The following FGF12 variants were observed in gnomAD, a reference collection of about 807,000 sequenced individuals.
FGF12 encodes fibroblast growth factor 12B.
Under a neutral mutation model 23.6 loss-of-function variants are expected in FGF12, and 14 were observed. The ratio of observed to expected loss-of-function variants is 0.59; its 90% CI spans 0.39 to 0.93. The LOEUF is 0.93. Among genes scored for constraint, FGF12 ranks in the 40% least tolerant of loss-of-function variants. The pLI, the probability that FGF12 is intolerant of heterozygous loss-of-function variation, is 0.00. For synonymous variants in FGF12, 62 were observed against 77.3 expected, an observed-to-expected ratio of 0.80 and a Z score of 1.04; for missense variants, 175 against 217.8, an observed-to-expected ratio of 0.80 and a Z score of 1.24.
intron 2 of FGF12, among the ~76,000 whole-genome samples, chr3:192,381,812 A>G (rs992005510): frequency 8.5e-5 from 13 of 152,202 alleles, no homozygotes; most frequent in Admixed American, 8.5e-4. Context: ...TAAACAACTG[A>G]AAGTGTGGAG....
chr3:192,432,435 A>T (rs114037774), intron 2 of FGF12, among the ~76,000 whole-genome samples: 442 of 152,160 alleles, frequency 2.9e-3, no homozygotes, highest in African/African-American at 0.01. Flanking sequence ...CTTCGACATA[A>T]GTAGGAGACC....
Position 192,265,312 on chromosome 3 carries a change from GT to G in FGF12, c.228+70048del, listed in dbSNP as rs1420741559. 13 of 152,208 alleles carry G rather than the reference GT, an allele frequency of 8.5e-5. No individual in the cohort carries two copies. In the East Asian group the frequency reaches 2.5e-3, roughly 29 times the overall value. 9.4% of individuals were successfully genotyped at this position (152,208 alleles called of 1,614,324 possible). On this transcript the variant is annotated intron_variant, in intron 4 of 5. Transcript: ENST00000445105. ...ATTCCTCCGTGTTGGGAGTTCACTG[GT>G]CACTCAAACTGCAGAGACCACAATT...
chr3:192,521,739 G>A (rs1475498265), intron 2 of FGF12, among the ~76,000 whole-genome samples: 2 of 151,984 alleles, frequency 1.3e-5, no homozygotes, highest in Non-Finnish European at 2.9e-5. Context: ...CAGCTTCCTC[G>A]TAGTTCCCAC....
At chr3:192,589,696 A>C (rs1177174255) in intron 2 of FGF12, among the ~76,000 whole-genome samples, 1 of 151,836 alleles carries the variant, frequency 6.6e-6, no homozygotes, top group Non-Finnish European at 1.5e-5. Context: ...CAAGAAGTAG[A>C]TGAAATCCCC....
At chr3:192,575,391 T>C (rs1712829078) in intron 2 of FGF12, among the ~76,000 whole-genome samples, 1 of 152,252 alleles carries the variant, frequency 6.6e-6, no homozygotes, top group Non-Finnish European at 1.5e-5. Flanking sequence ...GATCAAAGCA[T>C]TGGCATTGGC....
intron 4 of FGF12, among the ~76,000 whole-genome samples, chr3:192,255,196 A>G (rs567742648): frequency 6.6e-6 from 1 of 152,230 alleles, no homozygotes; most frequent in South Asian, 2.1e-4. Flanking sequence ...TACTGCTCAC[A>G]GCATTGTATC....
intron 2 of FGF12, among the ~76,000 whole-genome samples, chr3:192,668,079 G>A (rs935388175): frequency 1.5e-4 from 23 of 151,924 alleles, no homozygotes; most frequent in African/African-American, 4.4e-4. Flanking sequence ...ATGGAGAATT[G>A]GTTTAATAAA....
chr3:192,299,377 G>T (rs1715217112), intron 4 of FGF12, among the ~76,000 whole-genome samples: 1 of 152,146 alleles, frequency 6.6e-6, no homozygotes, highest in Non-Finnish European at 1.5e-5. Context: ...ATACAAATTG[G>T]TTGTATGTAA....
intron 2 of FGF12, among the ~76,000 whole-genome samples, chr3:192,655,599 A>G (rs570372788): frequency 3.3e-5 from 5 of 152,342 alleles, no homozygotes; most frequent in African/African-American, 1.2e-4. Flanking sequence ...TTCTGTTACT[A>G]GTTGACCCAT....
At chr3:192,698,553 A>G (rs973336638) in intron 2 of FGF12, among the ~76,000 whole-genome samples, 1 of 151,756 alleles carries the variant, frequency 6.6e-6, no homozygotes, top group African/African-American at 2.4e-5. Flanking sequence ...GTCAGACATT[A>G]TCCTGAGGAC....
In FGF12 at chr3:192,336,108, TACACAC is replaced by T. The variant is rs34991386; in HGVS notation, c.125-650_125-645del. On this transcript the variant is annotated intron_variant, in intron 3 of 5. Coordinates refer to ENST00000445105, the MANE Select transcript of FGF12 (RefSeq NM_004113.6). The surrounding 1 kb of genome is among the most constrained non-coding windows in gnomAD (Gnocchi z 4.3). ...ATATATTTTATATCCAGGTGGGAAA[TACACAC>T]ACACACACACACACACACACACATA... is the stretch of plus-strand genomic sequence containing the variant. 8.6e-3 allele frequency among the ~76,000 whole-genome samples: 1,239 copies of T among 144,040 alleles called. 18 individuals are homozygous for T. The highest frequency in any genetic ancestry group is 0.03 in the African/African-American group (1,170 of 38,958). The allele number at this position is 144,040 out of a possible 152,430, so 94.5% of individuals were successfully genotyped here. A position where few individuals can be genotyped will look rare whatever the true frequency, so the allele number is the denominator to read the frequency against.
chr3:192,553,599 T>C (rs1012625752), intron 2 of FGF12, among the ~76,000 whole-genome samples: 1 of 152,144 alleles, frequency 6.6e-6, no homozygotes, highest in Admixed American at 6.5e-5. Flanking sequence ...TAGAAACCCA[T>C]AAACCAGTTA....
intron 4 of FGF12, among the ~76,000 whole-genome samples, chr3:192,325,790 A>G (rs1716787744): frequency 6.6e-6 from 1 of 152,144 alleles, no homozygotes; most frequent in Admixed American, 6.5e-5. Context: ...CCTTTTATAA[A>G]CAGTATTTAG....
chr3:192,342,993 G>A (rs1473814853), intron 3 of FGF12, among the ~76,000 whole-genome samples: 1 of 151,574 alleles, frequency 6.6e-6, no homozygotes, highest in Non-Finnish European at 1.5e-5. Context: ...GGAAGAGAGG[G>A]AGAGAGGGAG....
rs1403283397 is a variant in FGF12, at chr3:192,409,143, A to AGGCGATCTGCGGGGTCCCAAGAGTG, written c.14-48630_14-48606dup. The AGGCGATCTGCGGGGTCCCAAGAGTG allele has an allele frequency of 4.1e-6, 1 of 245,174 alleles. No individual in the cohort carries two copies. Among genetic ancestry groups the AGGCGATCTGCGGGGTCCCAAGAGTG allele is most frequent in the East Asian group, 1.8e-4 (1 of 5,582 alleles). 15.2% of individuals were successfully genotyped at this position (245,174 alleles called of 1,614,324 possible). A position where few individuals can be genotyped will look rare whatever the true frequency, so the allele number is the denominator to read the frequency against. On this transcript the variant is annotated intron_variant, in intron 2 of 5. Coordinates refer to ENST00000445105, the MANE Select transcript of FGF12 (RefSeq NM_004113.6). The surrounding 1 kb of genome is among the most constrained non-coding windows in gnomAD (Gnocchi z 4.8). ...CACCCCTCGGGGAGAAACCAGCGAG[A>AGGCGATCTGCGGGGTCCCAAGAGTG]GGCGATCTGCGGGGTCCCAAGAGTG...
At chr3:192,580,262 A>T (rs1309882747) in intron 2 of FGF12, among the ~76,000 whole-genome samples, 1 of 152,138 alleles carries the variant, frequency 6.6e-6, no homozygotes, top group Non-Finnish European at 1.5e-5. Context: ...TAAAGGTGAC[A>T]GCCAATGTGC....
chr3:192,565,897 A>C (rs911642107), intron 2 of FGF12, among the ~76,000 whole-genome samples: 1 of 152,172 alleles, frequency 6.6e-6, no homozygotes, highest in Non-Finnish European at 1.5e-5. Context: ...GACCAGCCTG[A>C]TCAACATGGA....
chr3:192,274,599 G>C (rs1713662507), intron 4 of FGF12, among the ~76,000 whole-genome samples: 1 of 151,896 alleles, frequency 6.6e-6, no homozygotes, highest in Non-Finnish European at 1.5e-5. Flanking sequence ...GGGAAAGAGA[G>C]AGAGATAGAA....
chr3:192,241,534 G>A (rs1336329296), intron 4 of FGF12, among the ~76,000 whole-genome samples: 5 of 152,056 alleles, frequency 3.3e-5, no homozygotes, highest in Admixed American at 2.6e-4. Flanking sequence ...ATCAAAAACA[G>A]TTTGAAGAAA....
Sources: gnomAD v4.1 joint callset for allele counts (sites outside exome capture counted in the v4.1 genomes callset) on GRCh38, gnomAD v4.1.1 for gene constraint, Gnocchi (gnomAD v3.1) non-coding constraint, MANE v1.5 for transcripts, NCBI Gene and HGNC (gene_info 2026-07-23, HGNC 2026-07-21) for gene names.